EDIL3: variants seen among roughly 807,000 people sequenced by gnomAD.
EDIL3 encodes EGF-like repeat and discoidin I-like domain-containing protein 3.
EDIL3 carries 37 observed loss-of-function variants against 67.4 expected under a neutral mutation model. That is an observed-to-expected ratio of 0.55 (90% confidence interval 0.42 to 0.72). The LOEUF is 0.72. EDIL3 is among the 30% of genes least tolerant of loss of function. The pLI is 0.00. For missense variants in EDIL3, 527 were observed against 586.3 expected (o/e 0.90, Z 1.04); for synonymous variants, 195 against 196.3 (o/e 0.99, Z 0.05).
intron 1 of EDIL3, among the ~76,000 whole-genome samples, chr5:84,278,274 A>G (rs1358436919): frequency 1.3e-5 from 2 of 152,220 alleles, no homozygotes; most frequent in East Asian, 1.9e-4. Context: ...GTTTCACTGT[A>G]TATTTCATTC....
At chr5:84,072,471 G>A (rs4590163) in intron 6 of EDIL3, among the ~76,000 whole-genome samples, 49,336 of 151,952 alleles carry the variant, frequency 0.32, 12,328 homozygotes, top group African/African-American at 0.68. Context: ...GCAAGAATAT[G>A]GAGAACTAGG....
intron 4 of EDIL3, among the ~76,000 whole-genome samples, chr5:84,152,785 A>G (rs1280691699): frequency 6.6e-6 from 1 of 152,216 alleles, no homozygotes; most frequent in African/African-American, 2.4e-5. Context: ...TGATATTAAT[A>G]TCTTCCCAAA....
chr5:84,268,172 A>G (rs538495675), intron 1 of EDIL3, among the ~76,000 whole-genome samples: 19 of 151,052 alleles, frequency 1.3e-4, no homozygotes, highest in African/African-American at 4.4e-4. Context: ...AATAACAATA[A>G]TAATTTGGCC....
At chr5:84,231,159 C>T (rs1261499413) in intron 2 of EDIL3, among the ~76,000 whole-genome samples, 1 of 152,108 alleles carries the variant, frequency 6.6e-6, no homozygotes, top group African/African-American at 2.4e-5. Context: ...AAGTGTGAAT[C>T]TTGTTGATTC....
At chr5:84,181,238 A>C (rs964521158) in intron 3 of EDIL3, 2 of 152,212 alleles carry the variant, frequency 1.3e-5, no homozygotes, top group Non-Finnish European at 2.9e-5. Flanking sequence ...TGCTAATGAA[A>C]GTGTGGTGCT....
Position 83,943,601 on chromosome 5 carries a change from A to G in EDIL3, c.1294-33T>C, listed in dbSNP as rs986452365. 3.7e-6 allele frequency: 6 copies of G among 1,606,934 alleles called. No individual in the cohort carries two copies. In the Admixed American group the frequency reaches 8.4e-5, roughly 23 times the overall value. Reference sequence around the variant, plus strand: ...AGAAGAGCAGAAAAATGTCAGTCACACAGCCTTCTTTCTTTGAAATTATTT... The same window carrying G: ...AGAAGAGCAGAAAAATGTCAGTCACGCAGCCTTCTTTCTTTGAAATTATTT... On this transcript the variant is annotated intron_variant, in intron 10 of 10. Coordinates refer to ENST00000296591, the MANE Select transcript of EDIL3 (RefSeq NM_005711.5).
rs538349632 is a variant in EDIL3, at chr5:84,018,180, C to CAT, written c.1137+42118_1137+42119dup. On this transcript the variant is annotated intron_variant, in intron 9 of 10. Transcript: ENST00000296591. ...TCTAAAGTACATAGTTGATCAAAAG[C>CAT]ATATATTAACTTACCTTGCTTTGCA... is the stretch of plus-strand genomic sequence containing the variant. Among the ~76,000 whole-genome samples, 394 of 152,196 alleles carry CAT rather than the reference C, an allele frequency of 2.6e-3. 1 individual carries two copies. Among genetic ancestry groups the CAT allele is most frequent in the Non-Finnish European group, 3.1e-3 (208 of 68,010 alleles).
At chr5:84,099,645 A>G (rs1747326402) in intron 6 of EDIL3, among the ~76,000 whole-genome samples, 1 of 152,198 alleles carries the variant, frequency 6.6e-6, no homozygotes, top group Admixed American at 6.5e-5. Context: ...AACCTAGGCA[A>G]TACCATTCAG....
chr5:84,317,941 A>G (rs2112151677), intron 1 of EDIL3, among the ~76,000 whole-genome samples: 1 of 152,338 alleles, frequency 6.6e-6, no homozygotes, highest in South Asian at 2.1e-4. Context: ...AATCTCCTTA[A>G]GCTAATAAGC....
Position 84,384,388 on chromosome 5 carries a change from G to C in EDIL3, c.-14C>G, listed in dbSNP as rs371486548. The C allele has an allele frequency of 1.2e-6, 2 of 1,612,104 alleles. No individual in the cohort carries two copies. The highest frequency in any genetic ancestry group is 2.2e-5 in the East Asian group (1 of 44,658). On this transcript the variant is annotated 5_prime_UTR_variant, in exon 1 of 11. Coordinates refer to ENST00000296591, the MANE Select transcript of EDIL3 (RefSeq NM_005711.5). Reference sequence around the variant, plus strand: ...CGAGCGCTTCATGATCCCGTCTCCCGGACGTGACCCCGGCTGGTCAGGGGT... The same window carrying C: ...CGAGCGCTTCATGATCCCGTCTCCCCGACGTGACCCCGGCTGGTCAGGGGT...
rs187953716 is a variant in EDIL3 at position 84,075,120 on chromosome 5, G to A, written c.652-8514C>T. On this transcript the variant is annotated intron_variant, in intron 6 of 10. Transcript: ENST00000296591. The stretch of plus-strand genomic sequence containing the variant: ...AAGGACAAAAGACCAAACACCGCAT[G>A]TTCTCACTCATAGGTGGGAATTGAA... 2.7e-3 allele frequency among the ~76,000 whole-genome samples: 411 copies of A among 151,372 alleles called. 1 individual carries two copies. The highest frequency in any genetic ancestry group is 9.4e-3 in the African/African-American group (387 of 41,270).
intron 1 of EDIL3, among the ~76,000 whole-genome samples, chr5:84,361,909 A>G (rs1313276919): frequency 6.6e-6 from 1 of 152,064 alleles, no homozygotes; most frequent in African/African-American, 2.4e-5. Context: ...ATCTAAACAT[A>G]ATAGTCTAAT....
intron 9 of EDIL3, among the ~76,000 whole-genome samples, chr5:84,055,674 A>G (rs1224670616): frequency 6.6e-6 from 1 of 152,228 alleles, no homozygotes; most frequent in East Asian, 1.9e-4. Flanking sequence ...TTCTCAAAAG[A>G]AGACATTTAT....
At chr5:84,236,534 T>G (rs527884244) in intron 2 of EDIL3, among the ~76,000 whole-genome samples, 2 of 152,206 alleles carry the variant, frequency 1.3e-5, no homozygotes, top group Non-Finnish European at 2.9e-5. Flanking sequence ...TTAGTATTTA[T>G]TTCAGTCTCC....
chr5:84,267,780 T>C (rs1745379708), intron 1 of EDIL3, among the ~76,000 whole-genome samples: 1 of 152,152 alleles, frequency 6.6e-6, no homozygotes, highest in Admixed American at 6.5e-5. Context: ...TGATAAAATA[T>C]ATGAAATGAC....
At chr5:84,106,943 C>T in intron 5 of EDIL3, 113 bp from the exon 6 acceptor site, 1 of 1,142,356 alleles carries the variant, frequency 8.8e-7, no homozygotes, top group Non-Finnish European at 1.2e-6. Flanking sequence ...CACCACCATG[C>T]TATTTACTCT....
At chr5:84,315,509 A>C (rs1746491259) in intron 1 of EDIL3, among the ~76,000 whole-genome samples, 1 of 152,202 alleles carries the variant, frequency 6.6e-6, no homozygotes, top group African/African-American at 2.4e-5. Context: ...AAAAGATTTA[A>C]CACCTCATTG....
intron 6 of EDIL3, among the ~76,000 whole-genome samples, chr5:84,103,881 G>A (rs1227696557): frequency 1.3e-5 from 2 of 151,936 alleles, no homozygotes; most frequent in Admixed American, 6.6e-5. Context: ...ATACCCAAAG[G>A]AATATAAATT....
intron 1 of EDIL3, among the ~76,000 whole-genome samples, chr5:84,350,232 A>G (rs1230191868): frequency 6.6e-6 from 1 of 152,082 alleles, no homozygotes; most frequent in Non-Finnish European, 1.5e-5. Flanking sequence ...ATCTGAACCA[A>G]TTTACAATGC....
Sources: allele counts gnomAD v4.1 joint callset (sites outside exome capture counted in the v4.1 genomes callset), GRCh38; gene constraint gnomAD v4.1.1; transcripts MANE v1.5; gene names NCBI Gene and HGNC (gene_info 2026-07-23, HGNC 2026-07-21).